MAJIN: variants seen among roughly 807,000 people sequenced by gnomAD.
MAJIN encodes the protein membrane anchored junction protein.
In MAJIN, 27 loss-of-function variants were observed where a neutral mutation model predicts 30.2. The ratio of observed to expected loss-of-function variants is 0.89; its 90% CI spans 0.66 to 1.23. MAJIN has a LOEUF of 1.23. Ranked by LOEUF, MAJIN falls within the 50% of genes most tolerant of loss-of-function variation. The pLI is 0.00. For missense variants in MAJIN, 253 were observed against 260.3 expected, an observed-to-expected ratio of 0.97 and a Z score of 0.19; for synonymous variants, 78 against 91.6, an observed-to-expected ratio of 0.85 and a Z score of 0.85.
At chr11:64,969,061 G>C in intron 1 of MAJIN, among the ~76,000 whole-genome samples, 1 of 152,168 alleles carries the variant, frequency 6.6e-6, no homozygotes, top group East Asian at 1.9e-4. Context: ...CGGACTAGAT[G>C]TGGGAATCAA....
chr11:64,946,033 A>C, intron 8 of MAJIN: 4 of 1,440,898 alleles, frequency 2.8e-6, no homozygotes, highest in Admixed American at 2.5e-5. Flanking sequence ...CAGAACAGGA[A>C]TAGCTAATAG....
intron 1 of MAJIN, among the ~76,000 whole-genome samples, chr11:64,968,701 G>C (rs2670909): frequency 0.46 from 70,006 of 151,246 alleles, 18,611 homozygotes; most frequent in Non-Finnish European, 0.62. Context: ...GCGTGGTGGC[G>C]GGTGCCTGTA....
At chr11:64,944,180 A>G (rs1037653574) in intron 8 of MAJIN, among the ~76,000 whole-genome samples, 3 of 152,258 alleles carry the variant, frequency 2.0e-5, no homozygotes, top group Non-Finnish European at 4.4e-5. Flanking sequence ...TCAGTTTTCT[A>G]CTTAAAAATG....
At position 64,938,408 on chromosome 11, in the gene MAJIN, G is replaced by T; in HGVS notation, c.*167C>A. On this transcript the variant is annotated 3_prime_UTR_variant, in exon 11 of 11. Coordinates refer to ENST00000301896, the MANE Select transcript of MAJIN (RefSeq NM_001037225.3). ...ATAAAACCACAGAGGACTCAGCATG[G>T]GGACCTCATTCCCCACGACTGAAGT... 1 of 1,147,040 alleles carries T rather than the reference G, an allele frequency of 8.7e-7. No individual in the cohort carries two copies. Among genetic ancestry groups the T allele is most frequent in the Non-Finnish European group, 1.3e-6 (1 of 796,736 alleles). The allele number at this position is 1,147,040 out of a possible 1,614,324, so 71.1% of individuals were successfully genotyped here.
At chr11:64,967,069 A>T (rs1443247074) in intron 1 of MAJIN, among the ~76,000 whole-genome samples, 1 of 151,922 alleles carries the variant, frequency 6.6e-6, no homozygotes, top group Admixed American at 6.6e-5. Context: ...CAGGAGTTCG[A>T]GACCAGCCCG....
rs768821510 is a variant in MAJIN, at chr11:64,947,423, G to C, written c.424C>G (p.Arg142Gly). The change falls in exon 8 of 11, where the codon CGA becomes GGA. Residue 142 changes from arginine (R) to glycine (G), a missense_variant. Transcript: ENST00000301896. ...GAGCTGGGCTCGTCCATGTGTTTTC[G>C]TTTCCTCATCACAGCTCCTACTGCT... ...KKAVGAVMRK[R>G]KHMDEPSSPS... 2 of 1,613,718 alleles carry C rather than the reference G, an allele frequency of 1.2e-6. No homozygotes were observed. Among genetic ancestry groups the C allele is most frequent in the African/African-American group, 1.3e-5 (1 of 74,926 alleles).
At chr11:64,940,857 G>C (rs1263167148) in intron 8 of MAJIN, among the ~76,000 whole-genome samples, 1 of 5,304 alleles carries the variant, frequency 1.9e-4, no homozygotes, top group Non-Finnish European at 3.7e-4. Flanking sequence ...TTTTTTTTTT[G>C]AGACTGAATC....
rs1330138204 is a variant in MAJIN, at chr11:64,945,718, G to A, written c.473+1656C>T. On this transcript the variant is annotated intron_variant, in intron 8 of 10. Coordinates refer to ENST00000301896, the MANE Select transcript of MAJIN (RefSeq NM_001037225.3). The stretch of plus-strand genomic sequence containing the variant: ...ACTTGGCTAATTTTTTGTATTTTTA[G>A]TAGAGACTGGGTCTCACCAGGTTGG... Among the ~76,000 whole-genome samples the A allele has an allele frequency of 3.3e-5, 5 of 151,992 alleles. No individual in the cohort carries two copies. The East Asian group carries it at 7.8e-4, about 24-fold the overall frequency.
At chr11:64,949,112 C>T (rs550108258) in intron 6 of MAJIN, among the ~76,000 whole-genome samples, 7 of 149,754 alleles carry the variant, frequency 4.7e-5, no homozygotes, top group African/African-American at 1.7e-4. Flanking sequence ...CGCTTGAGCC[C>T]AGGAGTTTGA....
At chr11:64,968,966 C>G (rs533955572) in intron 1 of MAJIN, among the ~76,000 whole-genome samples, 1 of 152,224 alleles carries the variant, frequency 6.6e-6, no homozygotes, top group African/African-American at 2.4e-5. Context: ...CTGTAGTCGT[C>G]CAGGAGAAAG....
chr11:64,948,627 ATATATATATATATTTT>A (rs1353484838), intron 6 of MAJIN, among the ~76,000 whole-genome samples: 33 of 41,792 alleles, frequency 7.9e-4, no homozygotes, highest in African/African-American at 4.4e-3. Flanking sequence ...ATATATATAT[ATATATATATATATTTT>A]TTTTTTTTTT....
intron 1 of MAJIN, among the ~76,000 whole-genome samples, chr11:64,963,252 C>T (rs1945755614): frequency 6.6e-6 from 1 of 152,202 alleles, no homozygotes; most frequent in Non-Finnish European, 1.5e-5. Flanking sequence ...CAAATTCCAA[C>T]CAAGAACTTT....
chr11:64,953,315 T>C (rs192683876), intron 4 of MAJIN, among the ~76,000 whole-genome samples: 44 of 152,274 alleles, frequency 2.9e-4, no homozygotes, highest in African/African-American at 1.0e-3. Context: ...CTCATAGTAA[T>C]TACTCAATAA....
In MAJIN at chr11:64,938,424, C is replaced by T. The variant is rs896970374; in HGVS notation, c.*151G>A. On this transcript the variant is annotated 3_prime_UTR_variant, in exon 11 of 11. Coordinates refer to ENST00000301896, the MANE Select transcript of MAJIN (RefSeq NM_001037225.3). ...CTCAGCATGGGGACCTCATTCCCCA[C>T]GACTGAAGTGTCATAAGAAAAGGAT... 49 of 1,325,014 alleles carry T rather than the reference C, an allele frequency of 3.7e-5. No individual in the cohort carries two copies. The highest frequency in any genetic ancestry group is 1.9e-4 in the Middle Eastern group (1 of 5,372). 82.1% of individuals were successfully genotyped at this position (1,325,014 alleles called of 1,614,324 possible).
rs550355388 is a variant in MAJIN at position 64,939,681 on chromosome 11, C to T, written c.633G>A (p.Pro211=). The T allele has an allele frequency of 1.6e-4, 257 of 1,613,958 alleles. No homozygotes were observed. In the South Asian group the frequency reaches 2.6e-3, roughly 16 times the overall value. ...THLHLRSEQP[P]ASLGF ...TCTTACCTTAGAAACCCAAAGAAGC[C>T]GGTGGCTGCTCGCTCCTTAGGTGGA... Residue 211 remains proline (P), a synonymous_variant, in exon 10 of 11, where the codon CCG becomes CCA. Transcript: ENST00000301896.
chr11:64,958,246 G>A (rs1423094902), intron 3 of MAJIN, among the ~76,000 whole-genome samples: 1 of 151,650 alleles, frequency 6.6e-6, no homozygotes, highest in Non-Finnish European at 1.5e-5. Flanking sequence ...CACTGTGCCT[G>A]GCCAAATTTT....
intron 3 of MAJIN, among the ~76,000 whole-genome samples, chr11:64,958,704 A>G (rs1945675382): frequency 6.6e-6 from 1 of 151,982 alleles, no homozygotes; most frequent in Non-Finnish European, 1.5e-5. Flanking sequence ...GCTGGAGTAC[A>G]GTGGCACAAT....
At chr11:64,958,020 C>G (rs1054189453) in intron 3 of MAJIN, among the ~76,000 whole-genome samples, 1 of 151,974 alleles carries the variant, frequency 6.6e-6, no homozygotes, top group Non-Finnish European at 1.5e-5. Flanking sequence ...CGGCTCACTG[C>G]AACCTCCGTC....
In MAJIN at chr11:64,938,482, A is replaced by G. The variant is rs1292959408; in HGVS notation, c.*93T>C. 9.9e-6 allele frequency: 15 copies of G among 1,518,220 alleles called. No homozygotes were observed. In the Middle Eastern group the frequency reaches 6.7e-4, roughly 68 times the overall value. 94.0% of individuals were successfully genotyped at this position (1,518,220 alleles called of 1,614,324 possible). A position where few individuals can be genotyped will look rare whatever the true frequency, so the allele number is the denominator to read the frequency against. Reference sequence around the variant, plus strand: ...GAGGAAGAATGGCTCGGGAGGAGTCACTACAAGAGATGATCCTCTTTCCAG... The same window carrying G: ...GAGGAAGAATGGCTCGGGAGGAGTCGCTACAAGAGATGATCCTCTTTCCAG... On this transcript the variant is annotated 3_prime_UTR_variant, in exon 11 of 11. Transcript: ENST00000301896.
Sources: gnomAD v4.1 joint callset for allele counts (sites outside exome capture counted in the v4.1 genomes callset) on GRCh38, gnomAD v4.1.1 for gene constraint, MANE v1.5 for transcripts, NCBI Gene and HGNC (gene_info 2026-07-23, HGNC 2026-07-21) for gene names.